Variants in OLFM3 observed in about 807,000 individuals in gnomAD.
OLFM3 encodes olfactomedin 3, also known as noelin-3.
Under a neutral mutation model 48.6 loss-of-function variants are expected in OLFM3, and 20 were observed. That is an observed-to-expected ratio of 0.41 (90% CI 0.29 to 0.60). The LOEUF is 0.60. Ranked by LOEUF, OLFM3 falls within the 20% of genes least tolerant of loss-of-function variation. The probability of loss-of-function intolerance (pLI) is 0.28; values close to 1 mark genes in which losing one functional copy is unlikely to be tolerated. For missense variants in OLFM3, 437 were observed against 544.3 expected, an observed-to-expected ratio of 0.80 and a Z score of 1.96; for synonymous variants, 222 against 198.1, an observed-to-expected ratio of 1.12 and a Z score of -1.01.
intron 1 of OLFM3, among the ~76,000 whole-genome samples, chr1:101,990,430 C>T (rs1661367106): frequency 6.6e-6 from 1 of 152,076 alleles, no homozygotes; most frequent in Non-Finnish European, 1.5e-5. Context: ...GGAATATTTG[C>T]ACTAAATTTT....
At chr1:101,820,001 A>T (rs950838722) in intron 4 of OLFM3, among the ~76,000 whole-genome samples, 7 of 152,088 alleles carry the variant, frequency 4.6e-5, no homozygotes, top group African/African-American at 1.7e-4. Context: ...TCCCCACTAA[A>T]ATATAACCTT....
intron 1 of OLFM3, among the ~76,000 whole-genome samples, chr1:101,965,086 A>G (rs1197108154): frequency 2.2e-4 from 34 of 152,164 alleles, no homozygotes; most frequent in Admixed American, 2.2e-3. Flanking sequence ...ACCGACAGCA[A>G]CTCTTTTAGG....
At chr1:101,864,718 G>GT (rs1479449958) in intron 1 of OLFM3, among the ~76,000 whole-genome samples, 1 of 152,162 alleles carries the variant, frequency 6.6e-6, no homozygotes, top group Non-Finnish European at 1.5e-5. Context: ...AGACAGTGTG[G>GT]TTGAGGGGGT....
chr1:101,845,851 A>G (rs1655968224), intron 1 of OLFM3, among the ~76,000 whole-genome samples: 2 of 152,230 alleles, frequency 1.3e-5, no homozygotes, highest in South Asian at 4.1e-4. Flanking sequence ...GACTATACTC[A>G]GTTGATTAAC....
At chr1:101,806,953 C>A (rs1354172096) in intron 4 of OLFM3, among the ~76,000 whole-genome samples, 1 of 151,742 alleles carries the variant, frequency 6.6e-6, no homozygotes, top group Non-Finnish European at 1.5e-5. Context: ...GCTTGGACTT[C>A]ATAAATTCCA....
chr1:101,861,893 A>C (rs1332218141), intron 1 of OLFM3, among the ~76,000 whole-genome samples: 3 of 152,214 alleles, frequency 2.0e-5, no homozygotes, highest in African/African-American at 7.2e-5. Context: ...ACGAAGTTAG[A>C]TTTATTAACT....
chr1:101,891,891 A>C (rs12092384), intron 1 of OLFM3, among the ~76,000 whole-genome samples: 41,077 of 151,834 alleles, frequency 0.27, 5,751 homozygotes, highest in East Asian at 0.36. Context: ...CCATTTTTAA[A>C]AAATATAAAT....
At chr1:101,959,062 G>T (rs35720049) in intron 1 of OLFM3, among the ~76,000 whole-genome samples, 1 of 149,620 alleles carries the variant, frequency 6.7e-6, no homozygotes, top group African/African-American at 2.5e-5. Context: ...TTCCCACCCC[G>T]GTCTTAGCCC....
At chr1:101,964,612 A>T (rs892206927) in intron 1 of OLFM3, among the ~76,000 whole-genome samples, 3 of 152,178 alleles carry the variant, frequency 2.0e-5, no homozygotes, top group African/African-American at 7.2e-5. Flanking sequence ...TTTTAGGGAA[A>T]AAAAAGAAAT....
intron 1 of OLFM3, among the ~76,000 whole-genome samples, chr1:101,939,217 C>T (rs754029847): frequency 6.6e-6 from 1 of 152,170 alleles, no homozygotes; most frequent in Non-Finnish European, 1.5e-5. Context: ...CAGAAACTAA[C>T]GTCGCTTGCG....
At chr1:101,976,617 CT>C (rs1195059536) in intron 1 of OLFM3, among the ~76,000 whole-genome samples, 1 of 152,140 alleles carries the variant, frequency 6.6e-6, no homozygotes, top group Non-Finnish European at 1.5e-5. Context: ...CCGGCTTCAT[CT>C]TTTCCCTAAA....
At chr1:101,923,239 A>G (rs1659157465) in intron 1 of OLFM3, among the ~76,000 whole-genome samples, 1 of 152,200 alleles carries the variant, frequency 6.6e-6, no homozygotes, top group Admixed American at 6.5e-5. Flanking sequence ...ACAAGGATAT[A>G]TTCCTTCCGG....
chr1:101,936,473 A>G (rs1056768144), intron 1 of OLFM3, among the ~76,000 whole-genome samples: 2 of 152,194 alleles, frequency 1.3e-5, no homozygotes, highest in Non-Finnish European at 2.9e-5. Flanking sequence ...GATAACACAA[A>G]CAAATGGAAA....
intron 1 of OLFM3, among the ~76,000 whole-genome samples, chr1:101,860,485 A>G (rs1262172045): frequency 6.6e-6 from 1 of 151,982 alleles, no homozygotes; most frequent in African/African-American, 2.4e-5. Flanking sequence ...TCTTCAAGGA[A>G]TTCCATAATT....
intron 2 of OLFM3, among the ~76,000 whole-genome samples, chr1:101,833,668 G>C (rs1400653122): frequency 6.6e-6 from 1 of 151,704 alleles, no homozygotes; most frequent in Non-Finnish European, 1.5e-5. Flanking sequence ...AAGATATCTG[G>C]GGCTTTTCTG....
At chr1:101,885,450 A>G (rs1172360132) in intron 1 of OLFM3, among the ~76,000 whole-genome samples, 2 of 152,048 alleles carry the variant, frequency 1.3e-5, no homozygotes, top group African/African-American at 2.4e-5. Flanking sequence ...TGAAAAAGCA[A>G]AAGTTAGAAA....
At chr1:101,836,418 C>T (rs1655410624) in intron 2 of OLFM3, among the ~76,000 whole-genome samples, 1 of 152,196 alleles carries the variant, frequency 6.6e-6, no homozygotes, top group Non-Finnish European at 1.5e-5. Flanking sequence ...AAAGGAATCA[C>T]TTAGAGAATG....
chr1:101,937,550 A>C (rs1248543070), intron 1 of OLFM3, among the ~76,000 whole-genome samples: 2 of 152,096 alleles, frequency 1.3e-5, no homozygotes, highest in Non-Finnish European at 2.9e-5. Flanking sequence ...TATAAGAAGG[A>C]GTTTCTCTGC....
intron 4 of OLFM3, chr1:101,812,671 T>C (rs1654126170): frequency 1.0e-6 from 1 of 985,590 alleles, no homozygotes; most frequent in Non-Finnish European, 1.2e-6. Flanking sequence ...GCCTTGCATC[T>C]CTATGGCAAA....
Sources: gnomAD v4.1 joint callset for allele counts (sites outside exome capture counted in the v4.1 genomes callset) on GRCh38, gnomAD v4.1.1 for gene constraint, MANE v1.5 for transcripts, NCBI Gene and HGNC (gene_info 2026-07-23, HGNC 2026-07-21) for gene names.